Variants in MIA3 observed in about 807,000 individuals in gnomAD.
MIA3 encodes transport and Golgi organization protein 1 homolog.
In MIA3, 90 loss-of-function variants were observed where a neutral mutation model predicts 192.4. The observed-to-expected ratio is 0.47, with a 90% confidence interval of 0.39 to 0.56. MIA3 has a LOEUF of 0.56. Ranked by LOEUF, MIA3 falls within the 20% of genes least tolerant of loss-of-function variation. The pLI, the probability that MIA3 is intolerant of heterozygous loss-of-function variation, is 0.00. For synonymous variants in MIA3, 740 were observed against 792.8 expected (o/e 0.93, Z 1.12); for missense variants, 2,123 against 2,269.4 (o/e 0.94, Z 1.31).
chr1:222,665,723 GT>G lies in MIA3; in HGVS notation c.*107del. The G allele has an allele frequency of 9.5e-7, 1 of 1,055,008 alleles. No individual in the cohort carries two copies. The highest frequency in any genetic ancestry group is 1.6e-5 in the African/African-American group (1 of 60,862). The allele number at this position is 1,055,008 out of a possible 1,614,324, so 65.4% of individuals were successfully genotyped here. A position where few individuals can be genotyped will look rare whatever the true frequency, so the allele number is the denominator to read the frequency against. On this transcript the variant is annotated 3_prime_UTR_variant, in exon 28 of 28. Coordinates refer to ENST00000344922, the MANE Select transcript of MIA3 (RefSeq NM_198551.4). The stretch of plus-strand genomic sequence containing the variant: ...AAAATCCAAAAGTTTATTTTAAAAG[GT>G]TTGTTGTTAGAACTAAGCTGCCTTG...
At chr1:222,634,654 T>C (rs1662552509) in intron 6 of MIA3, among the ~76,000 whole-genome samples, 1 of 152,236 alleles carries the variant, frequency 6.6e-6, no homozygotes, top group African/African-American at 2.4e-5. Flanking sequence ...ATTAGAGGAC[T>C]AAGCAAGCTC....
chr1:222,659,687 T>A, intron 21 of MIA3, 30 bp downstream of exon 21: 1 of 1,613,912 alleles, frequency 6.2e-7, no homozygotes. Flanking sequence ...TTCCCTTATT[T>A]TGTGCATAGT....
In MIA3 at chr1:222,648,486, C is replaced by T. The variant is rs757698873; in HGVS notation, c.3610-343C>T. 7.1e-4 allele frequency among the ~76,000 whole-genome samples: 107 copies of T among 151,420 alleles called. 1 individual carries two copies. The highest frequency in any genetic ancestry group is 1.0e-3 in the Non-Finnish European group (71 of 67,854). On this transcript the variant is annotated intron_variant, in intron 7 of 27. Transcript: ENST00000344922. ...AATAAGTGACTTTGAGTAAATAAAA[C>T]GTTAATATATTTATTACAAAAATAT...
chr1:222,621,757 AT>A lies in MIA3; in HGVS notation c.267+467del, dbSNP rs1661867570. ...GAACAGTTCCCTAATCATCTGTGCTATTATAAGTCTGTAAAAAAGCAAAATG... is the reference window on the plus strand; with the variant it reads ...GAACAGTTCCCTAATCATCTGTGCTATATAAGTCTGTAAAAAAGCAAAATG... On this transcript the variant is annotated intron_variant, in intron 2 of 27. Coordinates refer to ENST00000344922, the MANE Select transcript of MIA3 (RefSeq NM_198551.4). Among the ~76,000 whole-genome samples the A allele has an allele frequency of 2.0e-5, 3 of 151,524 alleles. No individual in the cohort carries two copies. The South Asian group carries it at 6.3e-4, about 32-fold the overall frequency.
chr1:222,620,509 T>A (rs1238792988), intron 1 of MIA3, among the ~76,000 whole-genome samples: 2 of 152,254 alleles, frequency 1.3e-5, no homozygotes, highest in East Asian at 3.8e-4. Flanking sequence ...AATATTGCCT[T>A]GTGATGTAAT....
At chr1:222,634,082 G>A (rs1662526189) in intron 6 of MIA3, among the ~76,000 whole-genome samples, 1 of 152,140 alleles carries the variant, frequency 6.6e-6, no homozygotes, top group Non-Finnish European at 1.5e-5. Flanking sequence ...GCCCATGGGA[G>A]CTGCCCACCT....
chr1:222,630,873 C>T lies in MIA3; in HGVS notation c.3169+484C>T, dbSNP rs114530247. On this transcript the variant is annotated intron_variant, in intron 4 of 27. Transcript: ENST00000344922. Reference sequence around the variant, plus strand: ...CTTGGGAGCACTTACTCCAGTTAAACCCTCCTGGGCCGTAAGGTTCTTGCA... The same window carrying T: ...CTTGGGAGCACTTACTCCAGTTAAATCCTCCTGGGCCGTAAGGTTCTTGCA... Among the ~76,000 whole-genome samples, 803 of 152,218 alleles carry T rather than the reference C, an allele frequency of 5.3e-3. 2 individuals carry two copies. The highest frequency in any genetic ancestry group is 0.019 in the African/African-American group (772 of 41,540).
chr1:222,640,768 AAAAT>A (rs1448452015), intron 6 of MIA3, among the ~76,000 whole-genome samples: 1 of 152,228 alleles, frequency 6.6e-6, no homozygotes, highest in Non-Finnish European at 1.5e-5. Context: ...GGATTTAATC[AAAAT>A]AAAAACATCT....
At chr1:222,647,813 T>G (rs1663222947) in intron 7 of MIA3, 1 of 316,530 alleles carries the variant, frequency 3.2e-6, no homozygotes, top group Admixed American at 3.3e-5. Context: ...GCCATGACAT[T>G]AGAGAGATAG....
intron 15 of MIA3, among the ~76,000 whole-genome samples, chr1:222,653,879 C>A (rs1315531579): frequency 6.6e-6 from 1 of 152,180 alleles, no homozygotes; most frequent in African/African-American, 2.4e-5. Flanking sequence ...GATGCCCTCT[C>A]TCAAGTTGGA....
At chr1:222,631,458 T>C (rs1662395191) in intron 4 of MIA3, among the ~76,000 whole-genome samples, 1 of 152,080 alleles carries the variant, frequency 6.6e-6, no homozygotes, top group South Asian at 2.1e-4. Flanking sequence ...GAATTGAGAG[T>C]ACCAAGGGGA....
chr1:222,620,939 G>A (rs893513374), intron 1 of MIA3, among the ~76,000 whole-genome samples: 9 of 152,178 alleles, frequency 5.9e-5, no homozygotes, highest in Admixed American at 2.0e-4. Context: ...AAATAGAGAA[G>A]GTTTTCCTTT....
rs758960849 is a variant in MIA3, at chr1:222,645,705, C to T, written c.3609+20C>T. ...CTTGTTGTGAGTAAATTAATGCATA[C>T]TTTAACTCATAAATTCAAGTATGGT... On this transcript the variant is annotated intron_variant, in intron 7 of 27. Coordinates refer to ENST00000344922, the MANE Select transcript of MIA3 (RefSeq NM_198551.4). 26 of 1,602,524 alleles carry T rather than the reference C, an allele frequency of 1.6e-5. No individual in the cohort carries two copies. Among genetic ancestry groups the T allele is most frequent in the Admixed American group, 1.4e-4 (8 of 58,454 alleles).
At chr1:222,661,567 T>C (rs1224976541) in intron 24 of MIA3, 1 of 154,780 alleles carries the variant, frequency 6.5e-6, no homozygotes, top group East Asian at 1.9e-4. Context: ...ACGTGGATTT[T>C]TGACTGCGCA....
intron 2 of MIA3, among the ~76,000 whole-genome samples, chr1:222,624,449 T>C (rs1662017417): frequency 6.6e-6 from 1 of 152,262 alleles, no homozygotes; most frequent in African/African-American, 2.4e-5. Flanking sequence ...TAAAATGCCA[T>C]GCGACGCTAA....
At chr1:222,636,317 TA>T (rs1662621315) in intron 6 of MIA3, among the ~76,000 whole-genome samples, 1 of 152,172 alleles carries the variant, frequency 6.6e-6, no homozygotes, top group South Asian at 2.1e-4. Context: ...AGCTGGAATT[TA>T]AATGTCTTGC....
chr1:222,658,701 T>C (rs749508342), intron 18 of MIA3, 21 bp from the exon 19 acceptor site: 1 of 1,563,708 alleles, frequency 6.4e-7, no homozygotes, highest in South Asian at 1.1e-5. Flanking sequence ...ACACTTTCAT[T>C]GACAACCAGT....
chr1:222,632,386 G>T, intron 5 of MIA3, 60 bp downstream of exon 5: 1 of 1,429,326 alleles, frequency 7.0e-7, no homozygotes, highest in Non-Finnish European at 9.6e-7. Flanking sequence ...CCTTCTAGGA[G>T]ATTCATTGTC....
intron 13 of MIA3, 121 bp downstream of exon 13, chr1:222,652,453 T>C (rs985055037): frequency 2.0e-5 from 14 of 686,488 alleles, no homozygotes; most frequent in African/African-American, 1.8e-4. Flanking sequence ...TTCTTAGATA[T>C]GCAAAGTTTA....
Sources: allele counts gnomAD v4.1 joint callset (sites outside exome capture counted in the v4.1 genomes callset), GRCh38; gene constraint gnomAD v4.1.1; transcripts MANE v1.5; gene names NCBI Gene and HGNC (gene_info 2026-07-23, HGNC 2026-07-21).